The following MPO variants were observed in gnomAD, a reference collection of about 807,000 sequenced individuals.
MPO encodes the protein myeloperoxidase.
Under a neutral mutation model 69.4 loss-of-function variants are expected in MPO, and 57 were observed. That is an observed-to-expected ratio of 0.82 (90% CI 0.66 to 1.02). MPO has a LOEUF of 1.02. Among genes scored for constraint, MPO ranks in the 50% least tolerant of loss-of-function variants. The probability of loss-of-function intolerance (pLI) is 0.00; values close to 1 mark genes in which losing one functional copy is unlikely to be tolerated. For synonymous variants in MPO, 426 were observed against 417.1 expected (o/e 1.02, Z -0.26); for missense variants, 971 against 1,014.1 (o/e 0.96, Z 0.58).
intron 6 of MPO, 101 bp from the exon 7 acceptor site, chr17:58,278,246 C>A: frequency 7.1e-7 from 1 of 1,403,464 alleles, no homozygotes; most frequent in Non-Finnish European, 9.8e-7. Context: ...GTACCCTCAA[C>A]CTGCAGAGAG....
In MPO at chr17:58,272,851, A is replaced by C; in HGVS notation, c.1689T>G (p.Ile563Met). 2 of 1,614,104 alleles carry C rather than the reference A, an allele frequency of 1.2e-6. No individual in the cohort carries two copies. Among genetic ancestry groups the C allele is most frequent in the Non-Finnish European group, 1.7e-6 (2 of 1,180,008 alleles). ...TPAKLNRQNQIAVDEIRERLF... is the reference protein window; with the variant it reads ...TPAKLNRQNQMAVDEIRERLF... ...ATCGCTCCCGGATCTCATCCACTGC[A>C]ATTTGGTTCTGACGATTCAGCTTGG... Residue 563 changes from isoleucine to methionine, a missense_variant, in exon 10 of 12, where the codon ATT becomes ATG. Coordinates refer to ENST00000225275, the MANE Select transcript of MPO (RefSeq NM_000250.2).
rs554986250 is a variant in MPO at position 58,270,922 on chromosome 17, C to T, written c.2031-59G>A. 42 of 1,582,188 alleles carry T rather than the reference C, an allele frequency of 2.7e-5. No homozygotes were observed. The highest frequency in any genetic ancestry group is 1.1e-4 in the East Asian group (5 of 44,688). On this transcript the variant is annotated intron_variant, in intron 11 of 11. Coordinates refer to ENST00000225275, the MANE Select transcript of MPO (RefSeq NM_000250.2). The surrounding 1 kb of genome is among the most constrained non-coding windows in gnomAD (Gnocchi z 4.1). ...AGGATATTCTGGGCTGGCAGGGCAT[C>T]GATGGGCTTGTGCTGCTCCCAGGAT...
intron 5 of MPO, 38 bp from the exon 6 acceptor site, chr17:58,279,252 GCA>G (rs780536561): frequency 3.6e-5 from 56 of 1,569,652 alleles, no homozygotes; most frequent in Admixed American, 1.1e-4. Flanking sequence ...CTGGGTCCGC[GCA>G]CCGCGTGGCC....
rs760857506 is a variant in MPO, at chr17:58,280,467, G to C, written c.155-8C>G. ...CCACCTCCCCCAGGACAGCTGCCCA[G>C]AGCAGGGATCACAAAGTCAGGAATG... is the stretch of plus-strand genomic sequence containing the variant. On this transcript the variant is annotated splice_region_variant and splice_polypyrimidine_tract_variant and intron_variant, in intron 1 of 11. Coordinates refer to ENST00000225275, the MANE Select transcript of MPO (RefSeq NM_000250.2). The C allele has an allele frequency of 2.5e-6, 4 of 1,613,820 alleles. No individual in the cohort carries two copies. The African/African-American group carries it at 5.3e-5, about 22-fold the overall frequency.
chr17:58,278,733 A>T, intron 6 of MPO: 1 of 565,802 alleles, frequency 1.8e-6, no homozygotes, highest in East Asian at 3.0e-5. Context: ...TGATTCCACC[A>T]ACAGGACTCC....
Position 58,275,395 on chromosome 17 carries a change from G to A in MPO, c.1365+147C>T. ...GTCAAGCACTTACTATCTGAAAGGT[G>A]TTTTCATATATGTATTATAATCCTT... On this transcript the variant is annotated intron_variant, in intron 8 of 11. Coordinates refer to ENST00000225275, the MANE Select transcript of MPO (RefSeq NM_000250.2). This position sits in a 1 kb window ranked among gnomAD's most constrained non-coding sequence, Gnocchi z 4.1. 3 of 1,015,282 alleles carry A rather than the reference G, an allele frequency of 3.0e-6. No individual in the cohort carries two copies. Among genetic ancestry groups the A allele is most frequent in the Non-Finnish European group, 4.4e-6 (3 of 674,418 alleles). The allele number at this position is 1,015,282 out of a possible 1,614,324, so 62.9% of individuals were successfully genotyped here.
rs757163546 is a variant in MPO, at chr17:58,273,423, C to A, written c.1612G>T (p.Val538Leu). 1 of 1,614,152 alleles carries A rather than the reference C, an allele frequency of 6.2e-7. No individual in the cohort carries two copies. The highest frequency in any genetic ancestry group is 1.1e-5 in the South Asian group (1 of 91,084). ...CCTAGGTCCTGCTTACCTTCCAGCA[C>A]GACCCTCCAGGAGGCAAAAAAGACC... ...SRVFFASWRV[V>L]LEGGIDPILR... is the part of the protein sequence containing the mutation. Residue 538 changes from valine (V) to leucine (L), a missense_variant, in exon 9 of 12, where the codon GTG (valine) becomes TTG (leucine). Coordinates refer to ENST00000225275, the MANE Select transcript of MPO (RefSeq NM_000250.2).
intron 3 of MPO, 57 bp downstream of exon 3, chr17:58,279,782 G>T: frequency 1.2e-6 from 2 of 1,612,900 alleles, no homozygotes; most frequent in South Asian, 2.2e-5. Context: ...GACGGCTGGG[G>T]TCCCTAGGAG....
chr17:58,271,958 G>C, intron 10 of MPO, 66 bp from the exon 11 acceptor site: 1 of 1,530,216 alleles, frequency 6.5e-7, no homozygotes, highest in Non-Finnish European at 9.0e-7. Context: ...GAGGTCACTG[G>C]AGACAGCAGG....
In MPO at chr17:58,271,688, C is replaced by T. The variant is rs367639701; in HGVS notation, c.1997G>A (p.Gly666Asp). 31 of 1,613,842 alleles carry T rather than the reference C, an allele frequency of 1.9e-5. No individual in the cohort carries two copies. Among genetic ancestry groups the T allele is most frequent in the Non-Finnish European group, 2.6e-5 (31 of 1,180,046 alleles). ...RVGPLLACIIGTQFRKLRDGD... is the reference protein window; with the variant it reads ...RVGPLLACIIDTQFRKLRDGD... ...ATCCCGGAGCTTCCTGAACTGGGTA[C>T]CGATGATGCAGGCGAGGAGTGGGCC... Residue 666 changes from glycine to aspartate, a missense_variant, in exon 11 of 12, where the codon GGT (glycine) becomes GAT (aspartate). By Grantham distance (94) the Gly-to-Asp change is moderately conservative. Coordinates refer to ENST00000225275, the MANE Select transcript of MPO (RefSeq NM_000250.2).
Position 58,273,570 on chromosome 17 carries a change from G to C in MPO, c.1465C>G (p.Arg489Gly), listed in dbSNP as rs768429737. 1.2e-6 allele frequency: 2 copies of C among 1,614,224 alleles called. No homozygotes were observed. The highest frequency in any genetic ancestry group is 3.3e-5 in the Admixed American group (2 of 60,028). Residue 489 changes from arginine to glycine, a missense_variant, in exon 9 of 12, where the codon CGC becomes GGC. Transcript: ENST00000225275. ...YRSYNDSVDP[R>G]IANVFTNAFR... Reference sequence around the variant, plus strand: ...GCATTGGTGAAGACGTTGGCGATGCGTGGGTCCACTGAGTCATTGTAGGAA... The same window carrying C: ...GCATTGGTGAAGACGTTGGCGATGCCTGGGTCCACTGAGTCATTGTAGGAA...
In MPO at chr17:58,273,786, C is replaced by A. The variant is rs1182594969; in HGVS notation, c.1366-117G>T. ...TCTTGGCTTCGGGGACCCCTTCCAT[C>A]CCTCTATGGTCAGGGAATAGCCTCC... On this transcript the variant is annotated intron_variant, in intron 8 of 11. Coordinates refer to ENST00000225275, the MANE Select transcript of MPO (RefSeq NM_000250.2). The A allele has an allele frequency of 3.5e-6, 5 of 1,428,256 alleles. No homozygotes were observed. The South Asian group carries it at 5.9e-5, about 17-fold the overall frequency. The allele number at this position is 1,428,256 out of a possible 1,614,324, so 88.5% of individuals were successfully genotyped here.
In MPO at chr17:58,270,437, A is replaced by T; in HGVS notation, c.*219T>A. On this transcript the variant is annotated 3_prime_UTR_variant, in exon 12 of 12. Coordinates refer to ENST00000225275, the MANE Select transcript of MPO (RefSeq NM_000250.2). The surrounding 1 kb of genome is among the most constrained non-coding windows in gnomAD (Gnocchi z 4.1). Reference sequence around the variant, plus strand: ...ACACTCACATAAATGGCACATACACATAACCCATGAAACACTCCCCATGTT... The same window carrying T: ...ACACTCACATAAATGGCACATACACTTAACCCATGAAACACTCCCCATGTT... 3 of 583,276 alleles carry T rather than the reference A, an allele frequency of 5.1e-6. No homozygotes were observed. Among genetic ancestry groups the T allele is most frequent in the Non-Finnish European group, 9.4e-6 (3 of 318,628 alleles). The allele number at this position is 583,276 out of a possible 1,614,324, so 36.1% of individuals were successfully genotyped here.
chr17:58,272,779 G>T lies in MPO; in HGVS notation c.1761C>A (p.Asn587Lys). ...GGCCGTGGTCCCTGCTGCGCTGCAT[G>T]TTCAGAGCAGGCAGGTCCAGCCCAA... ...MRIGLDLPAL[N>K]MQRSRDHGLP... Residue 587 changes from asparagine to lysine, a missense_variant, in exon 10 of 12, where the codon AAC (asparagine) becomes AAA (lysine). Asn to Lys is a moderately conservative substitution (Grantham distance 94, BLOSUM62 0). Coordinates refer to ENST00000225275, the MANE Select transcript of MPO (RefSeq NM_000250.2). 1 of 1,614,140 alleles carries T rather than the reference G, an allele frequency of 6.2e-7. No individual in the cohort carries two copies. The highest frequency in any genetic ancestry group is 1.3e-5 in the African/African-American group (1 of 75,044).
rs28730837 is a variant in MPO, at chr17:58,278,036, G to A, written c.995C>T (p.Ala332Val). The change falls in exon 7 of 12, where the codon GCG becomes GTG. Residue 332 changes from alanine (A) to valine (V), a missense_variant. Ala to Val is a moderately conservative substitution (Grantham distance 64). Transcript: ENST00000225275. ...GCTGGCGTCCACGAAGGAAGTGAGC[G>A]CGTTGATCTGGTTGCGGATGGTGAT... ...SNITIRNQIN[A>V]LTSFVDASMV... 0.014 allele frequency: 23,030 copies of A among 1,613,622 alleles called. 253 individuals are homozygous for A. The highest frequency in any genetic ancestry group is 0.016 in the Non-Finnish European group (19,392 of 1,180,026).
chr17:58,275,204 A>C lies in MPO; in HGVS notation c.1365+338T>G, dbSNP rs1970421653. Among the ~76,000 whole-genome samples the C allele has an allele frequency of 6.6e-6, 1 of 152,094 alleles. No homozygotes were observed. Among genetic ancestry groups the C allele is most frequent in the Non-Finnish European group, 1.5e-5 (1 of 68,000 alleles). ...TTTAAAAAGAAGAGGTGAGTGGGTAAAGGAGCTAAGAGTGACAGTGAGATG... is the reference window on the plus strand; with the variant it reads ...TTTAAAAAGAAGAGGTGAGTGGGTACAGGAGCTAAGAGTGACAGTGAGATG... On this transcript the variant is annotated intron_variant, in intron 8 of 11. Coordinates refer to ENST00000225275, the MANE Select transcript of MPO (RefSeq NM_000250.2). This position sits in a 1 kb window ranked among gnomAD's most constrained non-coding sequence, Gnocchi z 4.1.
At chr17:58,278,511 C>T (rs141905654) in intron 6 of MPO, among the ~76,000 whole-genome samples, 2 of 152,286 alleles carry the variant, frequency 1.3e-5, no homozygotes, top group East Asian at 3.9e-4. Flanking sequence ...CCTTTCTCTC[C>T]TCCTCCTTCC....
intron 4 of MPO, 30 bp from the exon 5 acceptor site, chr17:58,279,456 G>C: frequency 6.2e-7 from 1 of 1,611,902 alleles, no homozygotes; most frequent in South Asian, 1.1e-5. Context: ...GCTGACACCG[G>C]GAGGCTTGTG....
In MPO at chr17:58,270,830, CAT is replaced by C. The variant is rs1329357591; in HGVS notation, c.2062_2063del (p.Met688AlafsTer26). The C allele has an allele frequency of 1.2e-6, 2 of 1,613,684 alleles. No individual in the cohort carries two copies. Among genetic ancestry groups the C allele is most frequent in the Non-Finnish European group, 1.7e-6 (2 of 1,180,040 alleles). On this transcript the variant is annotated frameshift_variant, in exon 12 of 12. Transcript: ENST00000225275. LOFTEE classifies it high-confidence loss of function. This position sits in a 1 kb window ranked among gnomAD's most constrained non-coding sequence, Gnocchi z 4.1. ...FWWENEGVFS[M>X]QQRQALAQIS... ...TCTGGGCCAGGGCCTGTCGCTGCTG[CAT>C]GCTGAACACACCCTCGTTCTCCCAC...
Sources: gnomAD v4.1 joint callset for allele counts (sites outside exome capture counted in the v4.1 genomes callset) on GRCh38, gnomAD v4.1.1 for gene constraint, Gnocchi (gnomAD v3.1) non-coding constraint, MANE v1.5 for transcripts, NCBI Gene and HGNC (gene_info 2026-07-23, HGNC 2026-07-21) for gene names.